Variants in CDIN1 observed in about 807,000 individuals in gnomAD.
CDIN1 encodes CDAN1-interacting nuclease 1.
A neutral mutation model predicts 45.3 loss-of-function variants in CDIN1; 33 were observed. That is an observed-to-expected ratio of 0.73 (90% confidence interval 0.55 to 0.97). The LOEUF is 0.97. Ranked by LOEUF, CDIN1 falls within the 50% of genes least tolerant of loss-of-function variation. The pLI is 0.00. For missense variants in CDIN1, 303 were observed against 339.4 expected, an observed-to-expected ratio of 0.89 and a Z score of 0.84; for synonymous variants, 118 against 124.4, an observed-to-expected ratio of 0.95 and a Z score of 0.34.
intron 7 of CDIN1, 49 bp downstream of exon 7, chr15:36,692,224 C>T: frequency 6.5e-7 from 1 of 1,542,710 alleles, no homozygotes; most frequent in Non-Finnish European, 8.9e-7. Context: ...AGCTTAGACT[C>T]AGTGGAGATG....
intron 10 of CDIN1, among the ~76,000 whole-genome samples, chr15:36,806,223 G>A (rs2055221461): frequency 6.6e-6 from 1 of 152,116 alleles, no homozygotes; most frequent in Non-Finnish European, 1.5e-5. Context: ...AGTGAAACAA[G>A]TCCATTTTCT....
rs561478274 is a variant in CDIN1, at chr15:36,779,345, G to A, written c.717-28979G>A. 1.6e-4 allele frequency among the ~76,000 whole-genome samples: 24 copies of A among 152,248 alleles called. 1 individual carries two copies. In the East Asian group the frequency reaches 4.4e-3, roughly 28 times the overall value. On this transcript the variant is annotated intron_variant, in intron 10 of 10. Transcript: ENST00000566621. ...AAACATGGCAGCTTCCTTCAGTAAA[G>A]ATCAACTCACAACCCAGCCTCCACC...
chr15:36,781,489 A>G (rs2054351071), intron 10 of CDIN1, among the ~76,000 whole-genome samples: 2 of 152,208 alleles, frequency 1.3e-5, no homozygotes, highest in African/African-American at 4.8e-5. Flanking sequence ...TGCTTTTCCT[A>G]CATTGAACTA....
At chr15:36,647,177 C>T (rs2040368211) in intron 3 of CDIN1, among the ~76,000 whole-genome samples, 1 of 151,192 alleles carries the variant, frequency 6.6e-6, no homozygotes, top group South Asian at 2.1e-4. Context: ...GTGCACACCA[C>T]CATGGCCAGC....
rs79247707 is a variant in CDIN1, at chr15:36,769,918, A to G, written c.717-38406A>G. 7.2e-5 allele frequency among the ~76,000 whole-genome samples: 11 copies of G among 152,306 alleles called. No homozygotes were observed. The South Asian group carries it at 2.1e-3, about 29-fold the overall frequency. On this transcript the variant is annotated intron_variant, in intron 10 of 10. Transcript: ENST00000566621. Reference sequence around the variant, plus strand: ...AGCAGGGTACCCACCGGCAATTTTAAAAAGCTCTTTTTGCTCTATTGGGCC... The same window carrying G: ...AGCAGGGTACCCACCGGCAATTTTAGAAAGCTCTTTTTGCTCTATTGGGCC...
intron 10 of CDIN1, among the ~76,000 whole-genome samples, chr15:36,723,222 T>TGCC (rs2043498701): frequency 1.7e-5 from 1 of 59,426 alleles, no homozygotes; most frequent in East Asian, 2.7e-3. Flanking sequence ...TGCTAACCAT[T>TGCC]ACCACCATTT....
intron 10 of CDIN1, among the ~76,000 whole-genome samples, chr15:36,726,540 T>G (rs567707488): frequency 1.6e-4 from 25 of 152,352 alleles, no homozygotes; most frequent in Admixed American, 4.6e-4. Flanking sequence ...ACATTGTAGA[T>G]GTACTTCTCA....
At chr15:36,750,078 T>C (rs983821031) in intron 10 of CDIN1, among the ~76,000 whole-genome samples, 1 of 152,168 alleles carries the variant, frequency 6.6e-6, no homozygotes, top group Non-Finnish European at 1.5e-5. Context: ...AAAAGAATTA[T>C]GTGTTGGTTC....
chr15:36,774,476 T>C (rs2054169423), intron 10 of CDIN1, among the ~76,000 whole-genome samples: 1 of 152,054 alleles, frequency 6.6e-6, no homozygotes, highest in Non-Finnish European at 1.5e-5. Flanking sequence ...AACCAAGAAT[T>C]TAACTTTTCA....
chr15:36,731,119 A>T (rs1043683544), intron 10 of CDIN1, among the ~76,000 whole-genome samples: 3 of 152,118 alleles, frequency 2.0e-5, no homozygotes, highest in Admixed American at 2.0e-4. Context: ...CACATGTGTC[A>T]AAGTTGAAAA....
rs1171873015 is a variant in CDIN1, at chr15:36,579,626, A to C, written c.-235A>C. On this transcript the variant is annotated 5_prime_UTR_variant, in exon 1 of 11. Coordinates refer to ENST00000566621, the MANE Select transcript of CDIN1 (RefSeq NM_001321759.2). ...GCTGCTCAGTAAGCCAAGCTAGGGC[A>C]CTCTGGTGTACAGCCAGTCCCCGCC... The C allele has an allele frequency of 1.1e-5, 5 of 450,312 alleles. No individual in the cohort carries two copies. In the East Asian group the frequency reaches 1.5e-4, roughly 13 times the overall value. 27.9% of individuals were successfully genotyped at this position (450,312 alleles called of 1,614,324 possible).
chr15:36,788,075 CATAT>C (rs201682731), intron 10 of CDIN1, among the ~76,000 whole-genome samples: 33 of 56,168 alleles, frequency 5.9e-4, no homozygotes, highest in South Asian at 3.3e-3. Flanking sequence ...TAATTTTATA[CATAT>C]ATATATATAT....
At chr15:36,608,951 C>CTG (rs879677581) in intron 1 of CDIN1, among the ~76,000 whole-genome samples, 1 of 150,096 alleles carries the variant, frequency 6.7e-6, no homozygotes. Flanking sequence ...ACACAAATCT[C>CTG]TGTGTGTGTG....
intron 7 of CDIN1, among the ~76,000 whole-genome samples, chr15:36,695,663 A>G (rs996669805): frequency 1.2e-4 from 18 of 152,236 alleles, no homozygotes; most frequent in Non-Finnish European, 2.2e-4. Context: ...CGTGGCCTAC[A>G]TGGTAAAACT....
intron 5 of CDIN1, among the ~76,000 whole-genome samples, chr15:36,685,518 A>G (rs1321542113): frequency 6.6e-6 from 1 of 152,198 alleles, no homozygotes; most frequent in Admixed American, 6.5e-5. Context: ...TCATGTCTAA[A>G]ACACCAAAAG....
At chr15:36,729,420 T>G (rs963917904) in intron 10 of CDIN1, among the ~76,000 whole-genome samples, 5 of 152,212 alleles carry the variant, frequency 3.3e-5, no homozygotes, top group Non-Finnish European at 7.3e-5. Flanking sequence ...GGGAATAGTC[T>G]TTTCTTAATC....
At chr15:36,734,576 C>G (rs1024477724) in intron 10 of CDIN1, among the ~76,000 whole-genome samples, 2 of 152,106 alleles carry the variant, frequency 1.3e-5, no homozygotes, top group Admixed American at 6.6e-5. Context: ...ACATCGTCAC[C>G]TCAGCCTGCC....
chr15:36,646,714 T>C (rs1284392011), intron 3 of CDIN1, among the ~76,000 whole-genome samples: 2 of 152,238 alleles, frequency 1.3e-5, no homozygotes, highest in Non-Finnish European at 2.9e-5. Context: ...GGCTGTTATA[T>C]AAAAGTATGA....
chr15:36,581,631 G>A (rs547541165), intron 1 of CDIN1, among the ~76,000 whole-genome samples: 15 of 152,038 alleles, frequency 9.9e-5, no homozygotes, highest in African/African-American at 2.7e-4. Flanking sequence ...TAATCCCAGC[G>A]CTTTGGGAGG....
Sources: gnomAD v4.1 joint callset for allele counts (sites outside exome capture counted in the v4.1 genomes callset) on GRCh38, gnomAD v4.1.1 for gene constraint, MANE v1.5 for transcripts, NCBI Gene and HGNC (gene_info 2026-07-23, HGNC 2026-07-21) for gene names.